The following MTMR6 variants were observed in gnomAD, a reference collection of about 807,000 sequenced individuals.
The protein encoded by MTMR6 is myotubularin related protein 6, also known as phosphatidylinositol-3,5-bisphosphate 3-phosphatase MTMR6.
MTMR6 carries 47 observed loss-of-function variants against 80.1 expected under a neutral mutation model. That is an observed-to-expected ratio of 0.59 (90% CI 0.46 to 0.75). MTMR6 has a LOEUF of 0.75. Among genes scored for constraint, MTMR6 ranks in the 30% least tolerant of loss-of-function variants. The pLI is 0.00. For synonymous variants in MTMR6, 254 were observed against 253.0 expected, an observed-to-expected ratio of 1.00 and a Z score of -0.04; for missense variants, 629 against 730.9, an observed-to-expected ratio of 0.86 and a Z score of 1.61.
Position 25,286,645 on chromosome 13 carries a change from A to G in MTMR6, c.24+579T>C, listed in dbSNP as rs147195908. ...ATGGAATAACATTTTTCCCTTCTCC[A>G]GAACTCTTGACTACTGACACAGGAC... is the stretch of plus-strand genomic sequence containing the variant. On this transcript the variant is annotated intron_variant, in intron 1 of 13. Transcript: ENST00000381801. Among the ~76,000 whole-genome samples the G allele has an allele frequency of 4.5e-4, 69 of 152,344 alleles. 1 individual carries two copies. Among genetic ancestry groups the G allele is most frequent in the African/African-American group, 1.6e-3 (66 of 41,584 alleles).
rs550960945 is a variant in MTMR6, at chr13:25,261,873, A to G, written c.592-71T>C. 46 of 1,418,316 alleles carry G rather than the reference A, an allele frequency of 3.2e-5. No individual in the cohort carries two copies. In the African/African-American group the frequency reaches 6.3e-4, roughly 19 times the overall value. 87.9% of individuals were successfully genotyped at this position (1,418,316 alleles called of 1,614,324 possible). ...ATGTCTTTAAAGATGCTTACAAGAA[A>G]AAAAAGCCAAAAGTGTTAAAATCAA... On this transcript the variant is annotated intron_variant, in intron 5 of 13. Coordinates refer to ENST00000381801, the MANE Select transcript of MTMR6 (RefSeq NM_004685.5).
In MTMR6 at chr13:25,285,397, C is replaced by T. The variant is rs566996841; in HGVS notation, c.24+1827G>A. Among the ~76,000 whole-genome samples, 240 of 136,326 alleles carry T rather than the reference C, an allele frequency of 1.8e-3. 13 individuals are homozygous for T. Among genetic ancestry groups the T allele is most frequent in the African/African-American group, 5.6e-3 (203 of 36,182 alleles). 89.4% of individuals were successfully genotyped at this position (136,326 alleles called of 152,430 possible). On this transcript the variant is annotated intron_variant, in intron 1 of 13. Transcript: ENST00000381801. ...ATTTTTTATTCTTTTCCGCCCCCCC[C>T]CCCCCAATTATGTCACCCAGGCTGG... is the stretch of plus-strand genomic sequence containing the variant.
chr13:25,272,730 A>C (rs999410394), intron 2 of MTMR6, among the ~76,000 whole-genome samples: 1 of 152,216 alleles, frequency 6.6e-6, no homozygotes, highest in Non-Finnish European at 1.5e-5. Flanking sequence ...ATTCATTTAG[A>C]ATAATGGCTT....
rs1012492388 is a variant in MTMR6, at chr13:25,251,235, G to T, written c.1605+414C>A. Among the ~76,000 whole-genome samples the T allele has an allele frequency of 2.0e-5, 3 of 152,016 alleles. No homozygotes were observed. Among genetic ancestry groups the T allele is most frequent in the Admixed American group, 6.5e-5 (1 of 15,272 alleles). Reference sequence around the variant, plus strand: ...GGGGTTTCACTGTGCTGACCAGGCTGGTCTCAAACTCTCCTGACCTGGTGA... The same window carrying T: ...GGGGTTTCACTGTGCTGACCAGGCTTGTCTCAAACTCTCCTGACCTGGTGA... On this transcript the variant is annotated intron_variant, in intron 13 of 13. Transcript: ENST00000381801. This position sits in a 1 kb window ranked among gnomAD's most constrained non-coding sequence, Gnocchi z 4.1.
At position 25,261,830 on chromosome 13, in the gene MTMR6, T is replaced by C. The variant is rs7998156; in HGVS notation, c.592-28A>G. 3.5e-3 allele frequency: 5,458 copies of C among 1,579,608 alleles called. 189 individuals are homozygous for C. The African/African-American group carries it at 0.066, about 19-fold the overall frequency. On this transcript the variant is annotated intron_variant, in intron 5 of 13. Coordinates refer to ENST00000381801, the MANE Select transcript of MTMR6 (RefSeq NM_004685.5). ...ATTTTTTAAAGGACAGAAAAGAGAT[T>C]ATGCAAAGATCTCTAAAATGTCTTT...
At chr13:25,275,475 GCAGA>G (rs938935114) in intron 1 of MTMR6, among the ~76,000 whole-genome samples, 104 of 152,162 alleles carry the variant, frequency 6.8e-4, no homozygotes, top group African/African-American at 2.3e-3. Flanking sequence ...CCAGCAGGTT[GCAGA>G]CAGTTTTTTA....
chr13:25,265,449 T>C (rs1324179377), intron 5 of MTMR6, among the ~76,000 whole-genome samples: 18 of 152,122 alleles, frequency 1.2e-4, no homozygotes, highest in Non-Finnish European at 2.6e-4. Flanking sequence ...ATGTAAAAAA[T>C]AGTGTTCTTG....
chr13:25,274,146 G>C lies in MTMR6; in HGVS notation c.66C>G (p.Asn22Lys), dbSNP rs1198430836. 6.2e-7 allele frequency: 1 copy of C among 1,612,608 alleles called. No individual in the cohort carries two copies. The highest frequency in any genetic ancestry group is 1.1e-5 in the South Asian group (1 of 90,776). The change falls in exon 2 of 14, where the codon AAC becomes AAG. Residue 22 changes from asparagine to lysine, a missense_variant. Asn to Lys is a moderately conservative substitution (Grantham distance 94, BLOSUM62 0). Coordinates refer to ENST00000381801, the MANE Select transcript of MTMR6 (RefSeq NM_004685.5). ...GATACAGTGTTCCTGTTAATGACTT[G>C]TTGCTGGTACTGAATCGGTCAAGTA... ...VKLLDRFSTS[N>K]KSLTGTLYLT...
intron 1 of MTMR6, 150 bp from the exon 2 acceptor site, chr13:25,274,337 C>CT (rs1355181559): frequency 4.5e-5 from 25 of 551,812 alleles, no homozygotes; most frequent in Non-Finnish European, 7.3e-5. Context: ...TTCCATATAT[C>CT]TTTTTGGGGA....
At chr13:25,259,014 A>G (rs1196399422) in intron 6 of MTMR6, among the ~76,000 whole-genome samples, 2 of 152,234 alleles carry the variant, frequency 1.3e-5, no homozygotes, top group African/African-American at 2.4e-5. Context: ...AATGTCTCCT[A>G]TCTAATTTCT....
At chr13:25,266,089 C>G in intron 4 of MTMR6, 40 bp downstream of exon 4, 3 of 1,609,084 alleles carry the variant, frequency 1.9e-6, no homozygotes, top group Non-Finnish European at 2.5e-6. Context: ...CCCTCTGGTA[C>G]TAACACTTTC....
chr13:25,285,877 A>G (rs943915681), intron 1 of MTMR6, among the ~76,000 whole-genome samples: 15 of 152,168 alleles, frequency 9.9e-5, no homozygotes, highest in African/African-American at 3.6e-4. Flanking sequence ...TAGAAAGCAT[A>G]TGAAAAATAG....
rs981281310 is a variant in MTMR6 at position 25,248,622 on chromosome 13, C to A, written c.*610G>T. Reference sequence around the variant, plus strand: ...TTATATAGAAGTATTGTAGCATGCACCCCCAGCAGTAATGAGAGCACAATT... The same window carrying A: ...TTATATAGAAGTATTGTAGCATGCAACCCCAGCAGTAATGAGAGCACAATT... On this transcript the variant is annotated 3_prime_UTR_variant, in exon 14 of 14. Coordinates refer to ENST00000381801, the MANE Select transcript of MTMR6 (RefSeq NM_004685.5). The A allele has an allele frequency of 1.3e-5, 2 of 152,426 alleles. No individual in the cohort carries two copies. Among genetic ancestry groups the A allele is most frequent in the African/African-American group, 4.8e-5 (2 of 41,386 alleles). 9.4% of individuals were successfully genotyped at this position (152,426 alleles called of 1,614,324 possible). A position where few individuals can be genotyped will look rare whatever the true frequency, so the allele number is the denominator to read the frequency against.
chr13:25,286,741 G>A (rs1430868372), intron 1 of MTMR6, among the ~76,000 whole-genome samples: 1 of 152,200 alleles, frequency 6.6e-6, no homozygotes, highest in East Asian at 1.9e-4. Flanking sequence ...ACAGCAAAGG[G>A]AGGTGGAGCG....
chr13:25,252,595 A>G (rs1226864233), intron 11 of MTMR6, among the ~76,000 whole-genome samples: 1 of 152,248 alleles, frequency 6.6e-6, no homozygotes, highest in Non-Finnish European at 1.5e-5. Flanking sequence ...TGATTTTTCC[A>G]TAACTCCTAA....
intron 1 of MTMR6, among the ~76,000 whole-genome samples, chr13:25,285,216 A>G (rs1957930553): frequency 6.6e-6 from 1 of 152,226 alleles, no homozygotes; most frequent in Non-Finnish European, 1.5e-5. Context: ...CTACAACTCT[A>G]CAAATAAAAA....
chr13:25,286,349 C>T (rs1470750195), intron 1 of MTMR6, among the ~76,000 whole-genome samples: 1 of 152,178 alleles, frequency 6.6e-6, no homozygotes, highest in African/African-American at 2.4e-5. Context: ...TTTGCCAAAA[C>T]GTCAAGAGGC....
rs890164913 is a variant in MTMR6 at position 25,257,611 on chromosome 13, C to T, written c.969+125G>A. ...TTTTAAGGCTGAAAATAAAGTGAAG[C>T]TCATTAAAGAGGTAAAAAATAATAA... On this transcript the variant is annotated intron_variant, in intron 8 of 13. Transcript: ENST00000381801. The T allele has an allele frequency of 1.1e-5, 8 of 705,414 alleles. No individual in the cohort carries two copies. In the African/African-American group the frequency reaches 1.4e-4, roughly 13 times the overall value. 43.7% of individuals were successfully genotyped at this position (705,414 alleles called of 1,614,324 possible).
intron 6 of MTMR6, chr13:25,260,534 C>A: frequency 1.0e-6 from 1 of 982,096 alleles, no homozygotes; most frequent in Non-Finnish European, 1.4e-6. Context: ...ATTCCTTTCA[C>A]AAAGCTGCCT....
Sources: gnomAD v4.1 joint callset for allele counts (sites outside exome capture counted in the v4.1 genomes callset) on GRCh38, gnomAD v4.1.1 for gene constraint, Gnocchi (gnomAD v3.1) non-coding constraint, MANE v1.5 for transcripts, NCBI Gene and HGNC (gene_info 2026-07-23, HGNC 2026-07-21) for gene names.